CAMKMT: variants seen among roughly 807,000 people sequenced by gnomAD.
CAMKMT encodes the protein CaM KMT.
Under a neutral mutation model 48.0 loss-of-function variants are expected in CAMKMT, and 53 were observed. That is an observed-to-expected ratio of 1.10 (90% CI 0.89 to 1.39). The LOEUF (loss-of-function observed/expected upper bound fraction) is 1.39, where lower values mean the gene tolerates loss of function less well. Ranked by LOEUF, CAMKMT falls within the 40% of genes most tolerant of loss-of-function variation. CAMKMT has a pLI of 0.00. For synonymous variants in CAMKMT, 165 were observed against 152.3 expected, an observed-to-expected ratio of 1.08 and a Z score of -0.61; for missense variants, 428 against 402.7, an observed-to-expected ratio of 1.06 and a Z score of -0.54.
intron 3 of CAMKMT, among the ~76,000 whole-genome samples, chr2:44,501,101 C>A (rs1312164361): frequency 6.7e-6 from 1 of 150,366 alleles, no homozygotes; most frequent in Non-Finnish European, 1.5e-5. Flanking sequence ...TTAGTACTAA[C>A]TTCAGTTTGC....
chr2:44,459,062 C>G (rs1667721204), intron 3 of CAMKMT, among the ~76,000 whole-genome samples: 1 of 151,716 alleles, frequency 6.6e-6, no homozygotes, highest in African/African-American at 2.4e-5. Context: ...ATTGTGGGAT[C>G]TGGGCCAGCT....
intron 3 of CAMKMT, among the ~76,000 whole-genome samples, chr2:44,678,754 C>G (rs372154147): frequency 1.3e-5 from 2 of 152,140 alleles, no homozygotes; most frequent in South Asian, 2.1e-4. Flanking sequence ...GTTCTTTTCT[C>G]CTGATAGCCT....
intron 3 of CAMKMT, among the ~76,000 whole-genome samples, chr2:44,515,649 A>G (rs544977744): frequency 1.3e-5 from 2 of 152,334 alleles, no homozygotes; most frequent in East Asian, 3.9e-4. Flanking sequence ...TTTGGGAAGA[A>G]GGATTATCAT....
At position 44,657,980 on chromosome 2, in the gene CAMKMT, A is replaced by C. The variant is rs781274311; in HGVS notation, c.377-46303A>C. 8.5e-5 allele frequency among the ~76,000 whole-genome samples: 13 copies of C among 152,176 alleles called. No individual in the cohort carries two copies. The highest frequency in any genetic ancestry group is 1.8e-4 in the Non-Finnish European group (12 of 68,024). On this transcript the variant is annotated intron_variant, in intron 3 of 10. Coordinates refer to ENST00000378494, the MANE Select transcript of CAMKMT (RefSeq NM_024766.5). This position sits in a 1 kb window ranked among gnomAD's most constrained non-coding sequence, Gnocchi z 4.3. ...TCTCTCTCCTCAAATTATTTTTCACACAGATTTACTCTCCTGAATTTTCCA... is the reference window on the plus strand; with the variant it reads ...TCTCTCTCCTCAAATTATTTTTCACCCAGATTTACTCTCCTGAATTTTCCA...
At chr2:44,393,805 T>A (rs1210487903) in intron 3 of CAMKMT, among the ~76,000 whole-genome samples, 1 of 152,240 alleles carries the variant, frequency 6.6e-6, no homozygotes, top group Non-Finnish European at 1.5e-5. Context: ...CTGCTTTTTC[T>A]GTGGGCAGGG....
intron 3 of CAMKMT, among the ~76,000 whole-genome samples, chr2:44,585,413 G>A (rs574813974): frequency 2.4e-4 from 37 of 152,310 alleles, no homozygotes; most frequent in African/African-American, 8.7e-4. Context: ...CAAAGGATGT[G>A]GTGTAGGCCA....
At chr2:44,377,436 C>A (rs771591366) in intron 2 of CAMKMT, among the ~76,000 whole-genome samples, 4 of 152,166 alleles carry the variant, frequency 2.6e-5, no homozygotes, top group Non-Finnish European at 5.9e-5. Flanking sequence ...TTTTCCCTAT[C>A]TCATAAACTA....
chr2:44,505,744 T>A (rs977383343), intron 3 of CAMKMT, among the ~76,000 whole-genome samples: 3 of 152,138 alleles, frequency 2.0e-5, no homozygotes, highest in Non-Finnish European at 2.9e-5. Flanking sequence ...AGTGGACCCG[T>A]GCAGTTCAAA....
intron 9 of CAMKMT, among the ~76,000 whole-genome samples, chr2:44,759,701 G>C (rs1330220714): frequency 1.3e-5 from 2 of 152,152 alleles, no homozygotes; most frequent in Admixed American, 1.3e-4. Context: ...AGAGTCCTCA[G>C]ATGGTTTTAA....
intron 9 of CAMKMT, among the ~76,000 whole-genome samples, chr2:44,765,274 C>G (rs1192688191): frequency 2.0e-5 from 3 of 151,588 alleles, no homozygotes; most frequent in Non-Finnish European, 4.4e-5. Context: ...AATGCCTAGC[C>G]CAGTGTCTGA....
intron 3 of CAMKMT, among the ~76,000 whole-genome samples, chr2:44,443,248 C>T (rs1418729608): frequency 1.3e-5 from 2 of 152,144 alleles, no homozygotes; most frequent in African/African-American, 2.4e-5. Flanking sequence ...ATATTTTACT[C>T]TCAGGGCTTT....
intron 3 of CAMKMT, among the ~76,000 whole-genome samples, chr2:44,540,817 C>T (rs1454876604): frequency 6.6e-6 from 1 of 152,276 alleles, no homozygotes; most frequent in African/African-American, 2.4e-5. Context: ...GCTTTTAGGC[C>T]CCCAGAGGGG....
At position 44,494,181 on chromosome 2, in the gene CAMKMT, A is replaced by G. The variant is rs1669646020; in HGVS notation, c.376+103876A>G. On this transcript the variant is annotated intron_variant, in intron 3 of 10. Transcript: ENST00000378494. ...TGTATTCCTATTCAAAGAGACATAC[A>G]GAAACCCTCGCTCAAAACAACTCCC... is the stretch of plus-strand genomic sequence containing the variant. Among the ~76,000 whole-genome samples, 6 of 152,256 alleles carry G rather than the reference A, an allele frequency of 3.9e-5. No homozygotes were observed. In the South Asian group the frequency reaches 1.2e-3, roughly 32 times the overall value.
Position 44,489,606 on chromosome 2 carries a change from T to C in CAMKMT, c.376+99301T>C, listed in dbSNP as rs556737434. Among the ~76,000 whole-genome samples, 3 of 152,232 alleles carry C rather than the reference T, an allele frequency of 2.0e-5. No homozygotes were observed. In the East Asian group the frequency reaches 5.8e-4, roughly 29 times the overall value. On this transcript the variant is annotated intron_variant, in intron 3 of 10. Transcript: ENST00000378494. Reference sequence around the variant, plus strand: ...TCCAAAATGAAGTAATGAGGTATAATAGTATATTGCAATACTTGGATTACA... The same window carrying C: ...TCCAAAATGAAGTAATGAGGTATAACAGTATATTGCAATACTTGGATTACA...
intron 3 of CAMKMT, among the ~76,000 whole-genome samples, chr2:44,615,640 C>T (rs924517458): frequency 6.6e-6 from 1 of 152,026 alleles, no homozygotes; most frequent in African/African-American, 2.4e-5. Flanking sequence ...ATTTGAGGGG[C>T]ATTGGGCATG....
chr2:44,441,018 T>C (rs900323904), intron 3 of CAMKMT, among the ~76,000 whole-genome samples: 17 of 152,190 alleles, frequency 1.1e-4, no homozygotes, highest in Non-Finnish European at 2.1e-4. Flanking sequence ...GTTCCTACTT[T>C]GTGCTTACCT....
chr2:44,525,095 G>C (rs977328180), intron 3 of CAMKMT, among the ~76,000 whole-genome samples: 4 of 152,066 alleles, frequency 2.6e-5, no homozygotes, highest in Non-Finnish European at 5.9e-5. Context: ...AGTTATAGTA[G>C]TAGTAATACT....
chr2:44,678,857 C>G (rs148009700), intron 3 of CAMKMT, among the ~76,000 whole-genome samples: 19 of 152,294 alleles, frequency 1.2e-4, no homozygotes, highest in African/African-American at 4.3e-4. Context: ...ATGGCAGACT[C>G]TGCTACTCAC....
chr2:44,639,300 G>C (rs545883636), intron 3 of CAMKMT, among the ~76,000 whole-genome samples: 44 of 152,264 alleles, frequency 2.9e-4, no homozygotes, highest in Non-Finnish European at 5.6e-4. Context: ...CCAGATTATG[G>C]TTTGCCTGTT....
Sources: gnomAD v4.1 joint callset for allele counts (sites outside exome capture counted in the v4.1 genomes callset) on GRCh38, gnomAD v4.1.1 for gene constraint, Gnocchi (gnomAD v3.1) non-coding constraint, MANE v1.5 for transcripts, NCBI Gene and HGNC (gene_info 2026-07-23, HGNC 2026-07-21) for gene names.